The following ANKRD11 variants were observed in gnomAD, a reference collection of about 807,000 sequenced individuals.
ANKRD11 encodes the protein ankyrin repeat domain 11, also known as ankyrin repeat domain-containing protein 11.
ANKRD11 carries 17 observed loss-of-function variants against 195.7 expected under a neutral mutation model. The ratio of observed to expected loss-of-function variants is 0.09; its 90% confidence interval spans 0.06 to 0.13. ANKRD11 has a LOEUF of 0.13. ANKRD11 is among the 10% of genes least tolerant of loss of function. The pLI, the probability that ANKRD11 is intolerant of heterozygous loss-of-function variation, is 1.00. For missense variants in ANKRD11, 3,735 were observed against 3,566.1 expected (o/e 1.05, Z -1.21); for synonymous variants, 1,953 against 1,528.1 (o/e 1.28, Z -6.49).
At position 89,285,043 on chromosome 16, in the gene ANKRD11, C is replaced by T; in HGVS notation, c.1499G>A (p.Gly500Asp). ...CACCAGCGGGGACCCCTTGAGGCAG[C>T]CAGAGCTCCCCAGAGAGTCCCTGTC... ...EDDRDSLGSS[G>D]CLKGSPLVLK... The change falls in exon 9 of 13, where the codon GGC (glycine) becomes GAC (aspartate). Residue 500 changes from glycine (G) to aspartate (D), a missense_variant. Transcript: ENST00000301030. The surrounding 1 kb of genome is among the most constrained non-coding windows in gnomAD (Gnocchi z 5.6). 6.2e-7 allele frequency: 1 copy of T among 1,613,936 alleles called. No homozygotes were observed. The highest frequency in any genetic ancestry group is 8.5e-7 in the Non-Finnish European group (1 of 1,180,040).
intron 2 of ANKRD11, among the ~76,000 whole-genome samples, chr16:89,368,218 C>G (rs1031844334): frequency 1.3e-5 from 2 of 151,066 alleles, no homozygotes; most frequent in African/African-American, 2.4e-5. Context: ...TTTTTTGATA[C>G]AGATTCTTGC....
In ANKRD11 at chr16:89,274,827, G is replaced by A; in HGVS notation, c.7700C>T (p.Pro2567Leu). 6.2e-7 allele frequency: 1 copy of A among 1,611,418 alleles called. No individual in the cohort carries two copies. Among genetic ancestry groups the A allele is most frequent in the South Asian group, 1.1e-5 (1 of 91,016 alleles). ...MLLDSEVYNM[P>L]LESQGDENKS... The stretch of plus-strand genomic sequence containing the variant: ...GACGGGCCCTACCTGGCTCTCCAGG[G>A]GCATGTTGTAGACCTCGGAGTCCAG... Residue 2567 changes from proline to leucine, a missense_variant, in exon 11 of 13, where the codon CCC becomes CTC. Physicochemically the swap from Pro to Leu is moderately conservative, Grantham distance 98. Coordinates refer to ENST00000301030, the MANE Select transcript of ANKRD11 (RefSeq NM_013275.6).
chr16:89,272,945 G>C (rs1206928805), intron 11 of ANKRD11: 1 of 147,660 alleles, frequency 6.8e-6, no homozygotes, highest in East Asian at 2.0e-4. Context: ...CTAAAAATCA[G>C]AACAATTGAG....
At position 89,282,014 on chromosome 16, in the gene ANKRD11, G is replaced by A. The variant is rs774088020; in HGVS notation, c.4528C>T (p.Pro1510Ser). 1.2e-6 allele frequency: 2 copies of A among 1,613,374 alleles called. No homozygotes were observed. The highest frequency in any genetic ancestry group is 1.7e-6 in the Non-Finnish European group (2 of 1,180,014). ...GACTTGTCTTTGAGCACGCGGGGCG[G>A]GCTGTCCTTGTCCCTGGTGGCGGGC... ...QKPATRDKDS[P>S]PRVLKDKSRD... is the part of the protein sequence containing the mutation. Residue 1510 changes from proline to serine, a missense_variant, in exon 9 of 13, where the codon CCG (proline) becomes TCG (serine). Coordinates refer to ENST00000301030, the MANE Select transcript of ANKRD11 (RefSeq NM_013275.6).
intron 1 of ANKRD11, among the ~76,000 whole-genome samples, chr16:89,436,386 G>A (rs2043216675): frequency 6.6e-6 from 1 of 150,962 alleles, no homozygotes; most frequent in Non-Finnish European, 1.5e-5. Flanking sequence ...CTGCACTCCA[G>A]CCTGGGCAAC....
intron 4 of ANKRD11, among the ~76,000 whole-genome samples, chr16:89,296,765 GTGTGT>G (rs1443925176): frequency 6.6e-6 from 1 of 152,260 alleles, no homozygotes; most frequent in Non-Finnish European, 1.5e-5. Context: ...GATGAGGAAG[GTGTGT>G]CTCTCCAGGG....
chr16:89,403,448 C>G (rs2041784960), intron 2 of ANKRD11, among the ~76,000 whole-genome samples: 1 of 152,116 alleles, frequency 6.6e-6, no homozygotes, highest in African/African-American at 2.4e-5. Context: ...GAGGAAGTTT[C>G]TCAGTAAGCG....
intron 2 of ANKRD11, among the ~76,000 whole-genome samples, chr16:89,400,995 C>T (rs1373599264): frequency 3.9e-5 from 6 of 152,290 alleles, no homozygotes; most frequent in Admixed American, 3.9e-4. Flanking sequence ...GCACCCAAGA[C>T]CAAGATGGAA....
chr16:89,410,075 G>A (rs533886863), intron 2 of ANKRD11, among the ~76,000 whole-genome samples: 4 of 152,276 alleles, frequency 2.6e-5, no homozygotes, highest in African/African-American at 7.2e-5. Context: ...TCCTGACCTC[G>A]TGATCCGCCC....
intron 12 of ANKRD11, chr16:89,270,430 GC>G (rs1242005421): frequency 2.8e-6 from 1 of 357,622 alleles, no homozygotes. Flanking sequence ...AGGGTGTGCT[GC>G]CCTTCCCGGC....
chr16:89,489,786 G>C (rs984260470), intron 1 of ANKRD11, among the ~76,000 whole-genome samples: 1 of 25,652 alleles, frequency 3.9e-5, no homozygotes, highest in Non-Finnish European at 7.3e-5. Context: ...CCCGAGGCCC[G>C]CCCCGGAGCC....
chr16:89,467,084 C>A (rs750779337), intron 1 of ANKRD11, among the ~76,000 whole-genome samples: 1 of 152,198 alleles, frequency 6.6e-6, no homozygotes, highest in African/African-American at 2.4e-5. Flanking sequence ...AGTGAGAAGG[C>A]GCAGGGAGAA....
At position 89,279,868 on chromosome 16, in the gene ANKRD11, G is replaced by A. The variant is rs1403325660; in HGVS notation, c.6674C>T (p.Thr2225Met). 19 of 1,568,524 alleles carry A rather than the reference G, an allele frequency of 1.2e-5. No individual in the cohort carries two copies. Among genetic ancestry groups the A allele is most frequent in the Non-Finnish European group, 1.4e-5 (16 of 1,158,354 alleles). ...VALEAAVEAE[T>M]VPEERARGDP... is the part of the protein sequence containing the mutation. ...CCCACGGGCCCTCTCTTCCGGCACC[G>A]TCTCCGCCTCCACCGCAGCTTCTAG... The change falls in exon 9 of 13, where the codon ACG becomes ATG. Residue 2225 changes from threonine (T) to methionine (M), a missense_variant. Thr to Met is a moderately conservative substitution (Grantham distance 81, BLOSUM62 -1). Coordinates refer to ENST00000301030, the MANE Select transcript of ANKRD11 (RefSeq NM_013275.6). The surrounding 1 kb of genome is among the most constrained non-coding windows in gnomAD (Gnocchi z 5.6).
chr16:89,446,407 C>T (rs370588509), intron 1 of ANKRD11, among the ~76,000 whole-genome samples: 1 of 152,136 alleles, frequency 6.6e-6, no homozygotes, highest in African/African-American at 2.4e-5. Context: ...AGTTCGAGAC[C>T]AGCCTGGTCA....
At chr16:89,430,307 ACT>A (rs2042920869) in intron 1 of ANKRD11, among the ~76,000 whole-genome samples, 2 of 138,226 alleles carry the variant, frequency 1.4e-5, no homozygotes, top group South Asian at 5.1e-4. Flanking sequence ...CACAGCAGGG[ACT>A]CTCAACTCTC....
intron 5 of ANKRD11, 46 bp downstream of exon 5, chr16:89,290,967 C>G: frequency 6.2e-7 from 1 of 1,610,308 alleles, no homozygotes; most frequent in South Asian, 1.1e-5. Flanking sequence ...TGCGACCAGG[C>G]AGAGCCCCTT....
At chr16:89,376,751 G>A (rs897376863) in intron 2 of ANKRD11, among the ~76,000 whole-genome samples, 1 of 152,156 alleles carries the variant, frequency 6.6e-6, no homozygotes, top group Non-Finnish European at 1.5e-5. Context: ...GCCTGAACAG[G>A]TTTTGAATGC....
At chr16:89,287,006 T>C in intron 7 of ANKRD11, 1 of 1,289,536 alleles carries the variant, frequency 7.8e-7, no homozygotes, top group South Asian at 1.2e-5. Context: ...AGTTCTTATG[T>C]GTGTGAGTTT....
At chr16:89,345,840 A>G (rs938817094) in intron 2 of ANKRD11, among the ~76,000 whole-genome samples, 2 of 152,218 alleles carry the variant, frequency 1.3e-5, no homozygotes, top group African/African-American at 4.8e-5. Flanking sequence ...GCCAGAATGC[A>G]TTCCAGGAGG....
Sources: gnomAD v4.1 joint callset for allele counts (sites outside exome capture counted in the v4.1 genomes callset) on GRCh38, gnomAD v4.1.1 for gene constraint, Gnocchi (gnomAD v3.1) non-coding constraint, MANE v1.5 for transcripts, NCBI Gene and HGNC (gene_info 2026-07-23, HGNC 2026-07-21) for gene names.